LARS2: variants seen among roughly 807,000 people sequenced by gnomAD.
LARS2 encodes the protein leucyl-tRNA synthetase 2, mitochondrial.
Under a neutral mutation model 116.6 loss-of-function variants are expected in LARS2, and 81 were observed. That is an observed-to-expected ratio of 0.69 (90% confidence interval 0.58 to 0.84). The LOEUF (loss-of-function observed/expected upper bound fraction) is 0.84. LARS2 is among the 40% of genes least tolerant of loss of function. LARS2 has a pLI of 0.00. For synonymous variants in LARS2, 396 were observed against 407.2 expected, an observed-to-expected ratio of 0.97 and a Z score of 0.33; for missense variants, 968 against 1,114.5, an observed-to-expected ratio of 0.87 and a Z score of 1.87.
At chr3:45,466,160 T>A (rs964538963) in intron 8 of LARS2, among the ~76,000 whole-genome samples, 1 of 152,238 alleles carries the variant, frequency 6.6e-6, no homozygotes, top group Middle Eastern at 3.2e-3. Flanking sequence ...GCATTTTGTG[T>A]TCCTTTTGAA....
intron 18 of LARS2, among the ~76,000 whole-genome samples, chr3:45,518,570 G>A (rs1475951143): frequency 6.6e-6 from 1 of 152,182 alleles, no homozygotes; most frequent in African/African-American, 2.4e-5. Flanking sequence ...GGCTAGTGAG[G>A]AACTGAGCAG....
chr3:45,468,080 CAG>C (rs1467020947), intron 8 of LARS2, among the ~76,000 whole-genome samples: 5 of 151,598 alleles, frequency 3.3e-5, no homozygotes, highest in African/African-American at 1.2e-4. Context: ...GCCTGGGCGA[CAG>C]AGTGAGACAC....
At chr3:45,424,541 T>C (rs879481707) in intron 6 of LARS2, among the ~76,000 whole-genome samples, 3 of 152,222 alleles carry the variant, frequency 2.0e-5, no homozygotes, top group Non-Finnish European at 4.4e-5. Flanking sequence ...TTCTATATGA[T>C]TTAATTACAT....
chr3:45,499,293 T>G (rs940997198), intron 14 of LARS2, among the ~76,000 whole-genome samples: 2 of 152,064 alleles, frequency 1.3e-5, no homozygotes, highest in Admixed American at 1.3e-4. Flanking sequence ...AATATAAAAA[T>G]TAGCCTGGTG....
Position 45,485,764 on chromosome 3 carries a change from C to G in LARS2, c.1091C>G (p.Ala364Gly), listed in dbSNP as rs1264986799. The G allele has an allele frequency of 2.5e-6, 4 of 1,611,366 alleles. No individual in the cohort carries two copies. The highest frequency in any genetic ancestry group is 3.4e-6 in the Non-Finnish European group (4 of 1,178,416). ...GTCCCTGTCGTTATTTTGGCCAAAG[C>G]TGACTTGGAAGGCTCTCTGGATTCA... ...QEVPVVILAKADLEGSLDSKI... is the reference protein window; with the variant it reads ...QEVPVVILAKGDLEGSLDSKI... Residue 364 changes from alanine to glycine, a missense_variant, in exon 11 of 22, where the codon GCT becomes GGT. Coordinates refer to ENST00000645846, the MANE Select transcript of LARS2 (RefSeq NM_015340.4).
At chr3:45,399,787 C>T (rs904687218) in intron 3 of LARS2, among the ~76,000 whole-genome samples, 1 of 151,824 alleles carries the variant, frequency 6.6e-6, no homozygotes, top group Admixed American at 6.6e-5. Context: ...TCCTTCACCC[C>T]CCTTTCCACC....
At chr3:45,456,224 T>C (rs1261314469) in intron 7 of LARS2, among the ~76,000 whole-genome samples, 2 of 152,154 alleles carry the variant, frequency 1.3e-5, no homozygotes, top group African/African-American at 4.8e-5. Flanking sequence ...TGTGTACATA[T>C]ATCAAAATAT....
chr3:45,429,999 G>C (rs1575248647), intron 6 of LARS2, among the ~76,000 whole-genome samples: 2 of 83,106 alleles, frequency 2.4e-5, no homozygotes, highest in Non-Finnish European at 2.3e-5. Context: ...ACCATGCCCA[G>C]CCTCTTTTTT....
intron 6 of LARS2, among the ~76,000 whole-genome samples, chr3:45,440,207 T>C (rs185021782): frequency 5.6e-4 from 86 of 152,320 alleles, no homozygotes; most frequent in African/African-American, 2.0e-3. Context: ...TATTTTCTCT[T>C]TTAAGCTGCA....
intron 20 of LARS2, among the ~76,000 whole-genome samples, chr3:45,532,682 C>A (rs1700633789): frequency 6.6e-6 from 1 of 152,108 alleles, no homozygotes; most frequent in African/African-American, 2.4e-5. Context: ...CACTGTGTCG[C>A]CCAGGCTGGA....
chr3:45,436,626 C>G (rs937863057), intron 6 of LARS2, among the ~76,000 whole-genome samples: 2 of 151,556 alleles, frequency 1.3e-5, no homozygotes, highest in African/African-American at 2.4e-5. Context: ...AACCCCGTCT[C>G]TACTAAAAAT....
chr3:45,433,498 G>A (rs1293664954), intron 6 of LARS2, among the ~76,000 whole-genome samples: 3 of 152,024 alleles, frequency 2.0e-5, no homozygotes, highest in African/African-American at 7.2e-5. Context: ...TAAATAAAGT[G>A]TAGAGGCCTT....
chr3:45,450,313 G>C lies in LARS2; in HGVS notation c.606+3333G>C, dbSNP rs1238515132. Among the ~76,000 whole-genome samples the C allele has an allele frequency of 2.6e-5, 4 of 152,220 alleles. No homozygotes were observed. In the South Asian group the frequency reaches 8.3e-4, roughly 32 times the overall value. ...TATTGTTAACTATAATTTCCCTACT[G>C]TATTATCAAATGCTAGAACGTATTC... On this transcript the variant is annotated intron_variant, in intron 7 of 21. Coordinates refer to ENST00000645846, the MANE Select transcript of LARS2 (RefSeq NM_015340.4).
intron 4 of LARS2, among the ~76,000 whole-genome samples, chr3:45,416,116 A>AACTTCAGT (rs997502886): frequency 7.9e-5 from 12 of 151,252 alleles, no homozygotes; most frequent in African/African-American, 2.4e-4. Flanking sequence ...GAAAGGGATG[A>AACTTCAGT]ACTTCAGTAC....
Position 45,446,900 on chromosome 3 carries a change from A to G in LARS2, c.526A>G (p.Thr176Ala). The change falls in exon 7 of 22, where the codon ACG becomes GCG. Residue 176 changes from threonine to alanine, a missense_variant. Thr to Ala is a moderately conservative substitution (Grantham distance 58). Transcript: ENST00000645846. ...LCFSWDREIT[T>A]CLPDYYKWTQ... The stretch of plus-strand genomic sequence containing the variant: ...TCTTCTTTGTTGGCAGGAAATAACT[A>G]CGTGTTTGCCAGATTACTACAAGTG... The G allele has an allele frequency of 6.2e-7, 1 of 1,604,364 alleles. No individual in the cohort carries two copies. Among genetic ancestry groups the G allele is most frequent in the Non-Finnish European group, 8.5e-7 (1 of 1,171,818 alleles).
chr3:45,507,793 C>A (rs957496802), intron 15 of LARS2, among the ~76,000 whole-genome samples: 2 of 152,078 alleles, frequency 1.3e-5, no homozygotes, highest in African/African-American at 4.8e-5. Flanking sequence ...CACTAGCTAT[C>A]TCTGGGTGGT....
chr3:45,547,294 C>G lies in LARS2; in HGVS notation c.2533-57C>G. The G allele has an allele frequency of 2.0e-6, 3 of 1,506,606 alleles. No homozygotes were observed. The South Asian group carries it at 3.8e-5, about 19-fold the overall frequency. 93.3% of individuals were successfully genotyped at this position (1,506,606 alleles called of 1,614,324 possible). ...TACAGGCAGGAGGTTTGGTATTGGG[C>G]CGCCTGCCACTCTGAGGATGTTCCT... is the stretch of plus-strand genomic sequence containing the variant. On this transcript the variant is annotated intron_variant, in intron 21 of 21. Coordinates refer to ENST00000645846, the MANE Select transcript of LARS2 (RefSeq NM_015340.4).
chr3:45,460,201 GA>G (rs1699292104), intron 8 of LARS2, among the ~76,000 whole-genome samples: 1 of 152,168 alleles, frequency 6.6e-6, no homozygotes, highest in African/African-American at 2.4e-5. Context: ...TATGGATTTG[GA>G]GAGGTGCTCA....
intron 7 of LARS2, among the ~76,000 whole-genome samples, chr3:45,454,372 T>C (rs1699181387): frequency 6.6e-6 from 1 of 152,172 alleles, no homozygotes; most frequent in African/African-American, 2.4e-5. Context: ...TCCTAAATGC[T>C]TCCCACAGAT....
Sources: gnomAD v4.1 joint callset for allele counts (sites outside exome capture counted in the v4.1 genomes callset) on GRCh38, gnomAD v4.1.1 for gene constraint, MANE v1.5 for transcripts, NCBI Gene and HGNC (gene_info 2026-07-23, HGNC 2026-07-21) for gene names.